Variants in HPSE2 observed in about 807,000 individuals in gnomAD.
HPSE2 encodes the protein inactive heparanase-2.
Under a neutral mutation model 60.5 loss-of-function variants are expected in HPSE2, and 38 were observed. The ratio of observed to expected loss-of-function variants is 0.63; its 90% confidence interval spans 0.48 to 0.82. The LOEUF is 0.82. Among genes scored for constraint, HPSE2 ranks in the 40% least tolerant of loss-of-function variants. The pLI is 0.00. For missense variants in HPSE2, 713 were observed against 740.4 expected, an observed-to-expected ratio of 0.96 and a Z score of 0.43; for synonymous variants, 295 against 293.2, an observed-to-expected ratio of 1.01 and a Z score of -0.06.
rs1178785478 is a variant in HPSE2, at chr10:98,457,756, C to T, written c.*1818G>A. 1 of 151,258 alleles carries T rather than the reference C, an allele frequency of 6.6e-6. No individual in the cohort carries two copies. Among genetic ancestry groups the T allele is most frequent in the Non-Finnish European group, 1.5e-5 (1 of 67,874 alleles). 9.4% of individuals were successfully genotyped at this position (151,258 alleles called of 1,614,324 possible). ...TTTCCTGCCCTCTCAGAGCTGAAGC[C>T]TCAGTGGGAGGTGCCTGGTCCCAGA... On this transcript the variant is annotated 3_prime_UTR_variant, in exon 12 of 12. Transcript: ENST00000370552.
chr10:98,461,758 T>C lies in HPSE2; in HGVS notation c.1614-2019A>G, dbSNP rs752550557. The C allele has an allele frequency of 8.9e-6, 14 of 1,574,726 alleles. No homozygotes were observed. The African/African-American group carries it at 1.6e-4, about 18-fold the overall frequency. On this transcript the variant is annotated intron_variant, in intron 11 of 11. Transcript: ENST00000370552. ...CAGAATTAGGTGCAAACCTTTCTTCTGAAGAATTAGGTAATGCCCTTTTAG... is the reference window on the plus strand; with the variant it reads ...CAGAATTAGGTGCAAACCTTTCTTCCGAAGAATTAGGTAATGCCCTTTTAG...
chr10:98,477,996 C>G (rs910045203), intron 11 of HPSE2, among the ~76,000 whole-genome samples: 2 of 152,212 alleles, frequency 1.3e-5, no homozygotes, highest in Non-Finnish European at 2.9e-5. Flanking sequence ...AAACCACCCC[C>G]AAGCCCCCAA....
At chr10:99,206,044 C>G (rs905174124) in intron 2 of HPSE2, among the ~76,000 whole-genome samples, 4 of 152,148 alleles carry the variant, frequency 2.6e-5, no homozygotes, top group African/African-American at 9.7e-5. Context: ...AAAGTAATGA[C>G]ATTATAAGAA....
chr10:98,701,710 G>T (rs761141559), intron 5 of HPSE2, among the ~76,000 whole-genome samples: 1 of 151,964 alleles, frequency 6.6e-6, no homozygotes, highest in Non-Finnish European at 1.5e-5. Flanking sequence ...GCCAAACTAA[G>T]CTTCATAAAT....
intron 3 of HPSE2, among the ~76,000 whole-genome samples, chr10:98,945,006 C>T (rs990840050): frequency 2.0e-4 from 31 of 152,206 alleles, no homozygotes; most frequent in Middle Eastern, 6.8e-3. Flanking sequence ...TTTGCTGTCA[C>T]GCCACAATGG....
At chr10:99,272,025 C>G in the HPSE2 span, among the ~76,000 whole-genome samples, 1 of 152,174 alleles carries the variant, frequency 6.6e-6, no homozygotes, top group Non-Finnish European at 1.5e-5. Context: ...GTAATCCCAA[C>G]ACTTTGAGAG....
intron 3 of HPSE2, among the ~76,000 whole-genome samples, chr10:98,972,334 TTA>T (rs1350588817): frequency 6.6e-6 from 1 of 152,116 alleles, no homozygotes. Context: ...TTTCCTTATG[TTA>T]TGTGCCTTTT....
chr10:99,247,373 T>C, the HPSE2 span, among the ~76,000 whole-genome samples: 2 of 152,280 alleles, frequency 1.3e-5, no homozygotes, highest in African/African-American at 2.4e-5. Context: ...AGCTTTACTA[T>C]GTATTTTTAA....
intron 3 of HPSE2, among the ~76,000 whole-genome samples, chr10:99,093,243 G>A (rs759369878): frequency 2.6e-5 from 4 of 151,218 alleles, no homozygotes; most frequent in East Asian, 1.9e-4. Context: ...AAAAAGTATC[G>A]CCCTTTCTAC....
intron 3 of HPSE2, among the ~76,000 whole-genome samples, chr10:98,880,221 C>T (rs1186656312): frequency 6.6e-6 from 1 of 152,062 alleles, no homozygotes; most frequent in South Asian, 2.1e-4. Context: ...AATACCAGAT[C>T]CCCAACTCAA....
At position 98,836,908 on chromosome 10, in the gene HPSE2, G is replaced by A. The variant is rs575093332; in HGVS notation, c.611-92852C>T. ...ACAAAAATTAGCTGGGCATGGTGGC[G>A]TATGCCTGTAATCCCAGCTACTCGG... On this transcript the variant is annotated intron_variant, in intron 3 of 11. Coordinates refer to ENST00000370552, the MANE Select transcript of HPSE2 (RefSeq NM_021828.5). 3.3e-5 allele frequency among the ~76,000 whole-genome samples: 5 copies of A among 152,116 alleles called. No individual in the cohort carries two copies. The East Asian group carries it at 5.8e-4, about 18-fold the overall frequency.
Position 98,655,480 on chromosome 10 carries a change from CTG to C in HPSE2, c.1005-13542_1005-13541del, listed in dbSNP as rs376384955. Among the ~76,000 whole-genome samples the C allele has an allele frequency of 6.6e-4, 100 of 152,298 alleles. 1 individual carries two copies. The highest frequency in any genetic ancestry group is 2.3e-3 in the African/African-American group (96 of 41,552). On this transcript the variant is annotated intron_variant, in intron 6 of 11. Coordinates refer to ENST00000370552, the MANE Select transcript of HPSE2 (RefSeq NM_021828.5). ...CTTATTAAGCAAATTTTGGTGGTAACTGTGGATTCACCTGTCTCTCCAGATTT... is the reference window on the plus strand; with the variant it reads ...CTTATTAAGCAAATTTTGGTGGTAACTGGATTCACCTGTCTCTCCAGATTT...
At chr10:98,966,663 C>T (rs936009166) in intron 3 of HPSE2, among the ~76,000 whole-genome samples, 3 of 152,158 alleles carry the variant, frequency 2.0e-5, no homozygotes, top group Admixed American at 6.6e-5. Flanking sequence ...ACTCAGCTGA[C>T]ATTAAAATCC....
At chr10:99,246,623 T>G in the HPSE2 span, among the ~76,000 whole-genome samples, 2 of 152,116 alleles carry the variant, frequency 1.3e-5, no homozygotes, top group African/African-American at 2.4e-5. Flanking sequence ...GGAGCGTACC[T>G]TTAGTCCCAA....
intron 3 of HPSE2, among the ~76,000 whole-genome samples, chr10:98,808,912 C>T (rs556873288): frequency 6.6e-6 from 1 of 152,298 alleles, no homozygotes; most frequent in East Asian, 1.9e-4. Flanking sequence ...CTTATCTTAA[C>T]TGAGAACACT....
intron 3 of HPSE2, among the ~76,000 whole-genome samples, chr10:98,962,301 G>A (rs1281447216): frequency 7.2e-6 from 1 of 138,992 alleles, no homozygotes. Flanking sequence ...TAGCTTGATG[G>A]GGATGGCATT....
chr10:99,169,684 T>C (rs935635579), intron 2 of HPSE2, among the ~76,000 whole-genome samples: 1 of 152,066 alleles, frequency 6.6e-6, no homozygotes, highest in African/African-American at 2.4e-5. Context: ...CAGTGCTTCA[T>C]TGTGTCCTGC....
chr10:98,985,234 C>A (rs11189917), intron 3 of HPSE2, among the ~76,000 whole-genome samples: 73,024 of 151,826 alleles, frequency 0.48, 19,452 homozygotes, highest in East Asian at 0.62. Context: ...TTAAGGGCAG[C>A]CAGAGAGAAA....
chr10:99,131,090 T>C (rs927542707), intron 3 of HPSE2, among the ~76,000 whole-genome samples: 6 of 152,244 alleles, frequency 3.9e-5, no homozygotes, highest in African/African-American at 1.4e-4. Flanking sequence ...ACAAAAATCA[T>C]ATGATCATCT....
Sources: allele counts gnomAD v4.1 joint callset (sites outside exome capture counted in the v4.1 genomes callset), GRCh38; gene constraint gnomAD v4.1.1; transcripts MANE v1.5; gene names NCBI Gene and HGNC (gene_info 2026-07-23, HGNC 2026-07-21).